KNTC1: variants seen among roughly 807,000 people sequenced by gnomAD.
The protein encoded by KNTC1 is kinetochore associated 1, also known as kinetochore-associated protein 1.
KNTC1 carries 253 observed loss-of-function variants against 314.4 expected under a neutral mutation model. That is an observed-to-expected ratio of 0.80 (90% CI 0.73 to 0.89). KNTC1 has a LOEUF of 0.89. Among genes scored for constraint, KNTC1 ranks in the 40% least tolerant of loss-of-function variants. The pLI is 0.00. For missense variants in KNTC1, 2,475 were observed against 2,572.9 expected (o/e 0.96, Z 0.82); for synonymous variants, 901 against 901.4 (o/e 1.00, Z 0.01).
chr12:122,605,604 G>GGC (rs1872502924), intron 51 of KNTC1, among the ~76,000 whole-genome samples, 189 bp downstream of exon 51: 1 of 152,184 alleles, frequency 6.6e-6, no homozygotes, highest in South Asian at 2.1e-4. Context: ...GGAGTGTAAT[G>GGC]GCGCGGTCTC....
chr12:122,577,351 T>G (rs540236325), intron 30 of KNTC1, among the ~76,000 whole-genome samples: 1 of 152,314 alleles, frequency 6.6e-6, no homozygotes, highest in Non-Finnish European at 1.5e-5. Context: ...AAATTTATTT[T>G]ATTGTTTGCT....
At chr12:122,532,905 G>A (rs1260995780) in intron 2 of KNTC1, among the ~76,000 whole-genome samples, 1 of 152,170 alleles carries the variant, frequency 6.6e-6, no homozygotes, top group Non-Finnish European at 1.5e-5. Flanking sequence ...GCAGTTTAAG[G>A]AGCATTTCCT....
Position 122,539,735 on chromosome 12 carries a change from G to A in KNTC1, c.426G>A (p.Glu142=). 2 of 1,571,858 alleles carry A rather than the reference G, an allele frequency of 1.3e-6. No individual in the cohort carries two copies. Among genetic ancestry groups the A allele is most frequent in the Non-Finnish European group, 1.7e-6 (2 of 1,158,076 alleles). ...NRRTYQNLVI[E]KDGSNEGTYY... is the part of the protein sequence containing the mutation. ...GGACTTACCAGAATCTTGTCATTGA[G>A]AAGGATGGTTCAAATGAAGGTAAGT... The change falls in exon 5 of 64, where the codon GAG becomes GAA. Residue 142 remains glutamate (E), a synonymous_variant. Coordinates refer to ENST00000333479, the MANE Select transcript of KNTC1 (RefSeq NM_014708.6).
At chr12:122,588,041 A>G (rs1358450214) in intron 39 of KNTC1, among the ~76,000 whole-genome samples, 167 bp downstream of exon 39, 1 of 152,200 alleles carries the variant, frequency 6.6e-6, no homozygotes, top group Non-Finnish European at 1.5e-5. Context: ...TGGTGTGGGA[A>G]TAAGGTGCCT....
At position 122,573,217 on chromosome 12, in the gene KNTC1, A is replaced by C. The variant is rs1964810713; in HGVS notation, c.2215A>C (p.Lys739Gln). 1 of 1,613,816 alleles carries C rather than the reference A, an allele frequency of 6.2e-7. No individual in the cohort carries two copies. The highest frequency in any genetic ancestry group is 1.7e-5 in the Admixed American group (1 of 60,008). ...APELIPSILE[K>Q]FIRVYMREHD... ...AGAGCTTATTCCCTCCATCTTAGAG[A>C]AGTTTATAAGAGTTTACATGAGAGA... Residue 739 changes from lysine to glutamine, a missense_variant, in exon 26 of 64, where the codon AAG becomes CAG. Lys to Gln is a moderately conservative substitution (Grantham distance 53, BLOSUM62 1). Transcript: ENST00000333479.
In KNTC1 at chr12:122,586,736, C is replaced by T; in HGVS notation, c.3709C>T (p.Pro1237Ser). ...ATATCCCTTGGAGTCTACCAGTTTG[C>T]CATACTGCTCCCTTAATGAAGGTAT... ...KRYPLESTSL[P>S]YCSLNEGDGL... Residue 1237 changes from proline to serine, a missense_variant, in exon 38 of 64, where the codon CCA (proline) becomes TCA (serine). By Grantham distance (74) the Pro-to-Ser change is moderately conservative. Coordinates refer to ENST00000333479, the MANE Select transcript of KNTC1 (RefSeq NM_014708.6). The T allele has an allele frequency of 2.0e-6, 3 of 1,470,220 alleles. No homozygotes were observed. The highest frequency in any genetic ancestry group is 1.5e-5 in the South Asian group (1 of 68,736). 91.1% of individuals were successfully genotyped at this position (1,470,220 alleles called of 1,614,324 possible).
Position 122,552,256 on chromosome 12 carries a change from G to T in KNTC1, c.1272+560G>T, listed in dbSNP as rs1283274537. 5.9e-5 allele frequency among the ~76,000 whole-genome samples: 9 copies of T among 152,216 alleles called. No individual in the cohort carries two copies. In the East Asian group the frequency reaches 1.7e-3, roughly 29 times the overall value. On this transcript the variant is annotated intron_variant, in intron 16 of 63. Transcript: ENST00000333479. ...TCCTGACAGACCAGGGAGGGGAAGG[G>T]ATTCTGGGTACAAGGTCAGCATGGA...
In KNTC1 at chr12:122,591,290, A is replaced by G. The variant is rs1263180698; in HGVS notation, c.4129-47A>G. ...GTTTCGTCTAAAAGGTGTTATAAGAATACATTCTACTTACGATTGAACTTT... is the reference window on the plus strand; with the variant it reads ...GTTTCGTCTAAAAGGTGTTATAAGAGTACATTCTACTTACGATTGAACTTT... On this transcript the variant is annotated intron_variant, in intron 41 of 63. Coordinates refer to ENST00000333479, the MANE Select transcript of KNTC1 (RefSeq NM_014708.6). The G allele has an allele frequency of 4.2e-6, 4 of 950,630 alleles. No individual in the cohort carries two copies. In the Admixed American group the frequency reaches 6.8e-5, roughly 16 times the overall value. The allele number at this position is 950,630 out of a possible 1,614,324, so 58.9% of individuals were successfully genotyped here.
At chr12:122,589,853 G>A (rs904612742) in intron 40 of KNTC1, among the ~76,000 whole-genome samples, 16 of 130,552 alleles carry the variant, frequency 1.2e-4, no homozygotes, top group African/African-American at 3.1e-4. Context: ...GCGCGATTTC[G>A]GCTCACTGCA....
chr12:122,604,815 T>C (rs1454939452), intron 49 of KNTC1, 62 bp from the exon 50 acceptor site: 4 of 1,478,034 alleles, frequency 2.7e-6, no homozygotes, highest in Non-Finnish European at 3.7e-6. Flanking sequence ...TAAAGATGGA[T>C]GCTTGGCTTC....
rs563800449 is a variant in KNTC1 at position 122,622,718 on chromosome 12, G to A, written c.6515+111G>A. ...AATCCTAGCACTTTGGGAAGCTGAG[G>A]TGGGTGGATCACCTGAGGTTGAGAG... On this transcript the variant is annotated intron_variant, in intron 62 of 63. Transcript: ENST00000333479. 1.3e-4 allele frequency: 111 copies of A among 844,560 alleles called. No individual in the cohort carries two copies. The South Asian group carries it at 2.1e-3, about 16-fold the overall frequency. The allele number at this position is 844,560 out of a possible 1,614,324, so 52.3% of individuals were successfully genotyped here.
chr12:122,557,427 C>A lies in KNTC1; in HGVS notation c.1316C>A (p.Ala439Glu), dbSNP rs992880450. 3 of 1,613,466 alleles carry A rather than the reference C, an allele frequency of 1.9e-6. No homozygotes were observed. Among genetic ancestry groups the A allele is most frequent in the Non-Finnish European group, 2.5e-6 (3 of 1,179,624 alleles). The change falls in exon 17 of 64, where the codon GCA becomes GAA. Residue 439 changes from alanine to glutamate, a missense_variant. Transcript: ENST00000333479. ...VKSNHILEKL[A>E]LSSVDASEQT... ...TCAAATCATATATTGGAGAAACTGG[C>A]ATTGAGTTCTGTGGATGCCAGTGAA... is the stretch of plus-strand genomic sequence containing the variant.
chr12:122,605,273 G>A (rs1277388417), intron 50 of KNTC1, 33 bp from the exon 51 acceptor site: 4 of 1,391,076 alleles, frequency 2.9e-6, no homozygotes, highest in African/African-American at 2.9e-5. Flanking sequence ...TTTAAAACTT[G>A]AGTTTTTCTT....
At chr12:122,533,397 A>G (rs1961532959) in intron 2 of KNTC1, among the ~76,000 whole-genome samples, 1 of 152,162 alleles carries the variant, frequency 6.6e-6, no homozygotes, top group Non-Finnish European at 1.5e-5. Flanking sequence ...AGAAGCAAGT[A>G]AAAAGATAAG....
At chr12:122,602,517 A>T in intron 45 of KNTC1, 52 bp from the exon 46 acceptor site, 1 of 1,100,840 alleles carries the variant, frequency 9.1e-7, no homozygotes, top group East Asian at 2.5e-5. Flanking sequence ...ATTTTATGAC[A>T]GTTTAGGATT....
In KNTC1 at chr12:122,549,827, C is replaced by T. The variant is rs147259173; in HGVS notation, c.1049C>T (p.Ser350Phe). 16 of 1,573,200 alleles carry T rather than the reference C, an allele frequency of 1.0e-5. No homozygotes were observed. Among genetic ancestry groups the T allele is most frequent in the Non-Finnish European group, 1.4e-5 (16 of 1,151,908 alleles). The change falls in exon 13 of 64, where the codon TCT becomes TTT. Residue 350 changes from serine (S) to phenylalanine (F), a missense_variant. Transcript: ENST00000333479. ...GAAATACTATATTCTTTGGAAGTAT[C>T]TAGTGTTTCTTCTCTGGTCCAAACA... ...TMEILYSLEV[S>F]SVSSLVQTGI...
chr12:122,590,549 A>C, intron 40 of KNTC1, 58 bp from the exon 41 acceptor site: 1 of 1,511,898 alleles, frequency 6.6e-7, no homozygotes, highest in Non-Finnish European at 9.0e-7. Flanking sequence ...TTTGTGAACA[A>C]AGTTAATTCT....
At chr12:122,542,183 TTAATG>T (rs1565936135) in intron 6 of KNTC1, 56 bp downstream of exon 6, 1 of 1,200,578 alleles carries the variant, frequency 8.3e-7, no homozygotes, top group Non-Finnish European at 1.2e-6. Context: ...ACTAGTTTTA[TTAATG>T]TAATAGTAAA....
intron 20 of KNTC1, 49 bp downstream of exon 20, chr12:122,562,748 G>T: frequency 9.0e-7 from 1 of 1,109,766 alleles, no homozygotes; most frequent in Non-Finnish European, 1.4e-6. Flanking sequence ...GGTGTCTCAC[G>T]CCTGTAATCC....
Sources: gnomAD v4.1 joint callset for allele counts (sites outside exome capture counted in the v4.1 genomes callset) on GRCh38, gnomAD v4.1.1 for gene constraint, MANE v1.5 for transcripts, NCBI Gene and HGNC (gene_info 2026-07-23, HGNC 2026-07-21) for gene names.